FCHO2: variants seen among roughly 807,000 people sequenced by gnomAD.
The protein encoded by FCHO2 is FCH and mu domain containing endocytic adaptor 2, also known as F-BAR domain only protein 2.
A neutral mutation model predicts 114.1 loss-of-function variants in FCHO2; 43 were observed. That is an observed-to-expected ratio of 0.38 (90% CI 0.30 to 0.49). FCHO2 has a LOEUF of 0.49. Among genes scored for constraint, FCHO2 ranks in the 20% least tolerant of loss-of-function variants. FCHO2 has a pLI of 0.97. For synonymous variants in FCHO2, 293 were observed against 315.2 expected (o/e 0.93, Z 0.75); for missense variants, 807 against 950.4 (o/e 0.85, Z 1.98).
At chr5:73,053,257 AGGT>A (rs1757417062) in intron 13 of FCHO2, among the ~76,000 whole-genome samples, 1 of 152,188 alleles carries the variant, frequency 6.6e-6, no homozygotes, top group Non-Finnish European at 1.5e-5. Context: ...TTGGAAAAAA[AGGT>A]GGTTTTCTCC....
chr5:72,985,381 C>T (rs1200384551), intron 2 of FCHO2, among the ~76,000 whole-genome samples: 8 of 152,096 alleles, frequency 5.3e-5, no homozygotes, highest in African/African-American at 1.7e-4. Context: ...AGGCTGATCT[C>T]GGACTCCTGA....
intron 2 of FCHO2, among the ~76,000 whole-genome samples, chr5:72,984,625 T>G (rs1396881973): frequency 6.6e-6 from 1 of 152,200 alleles, no homozygotes; most frequent in Non-Finnish European, 1.5e-5. Context: ...TATGAATGTC[T>G]TAATTTTATC....
intron 24 of FCHO2, among the ~76,000 whole-genome samples, chr5:73,083,657 CGAGGTGGGTGGATCACTT>C (rs1234304869): frequency 6.6e-6 from 1 of 152,050 alleles, no homozygotes; most frequent in Non-Finnish European, 1.5e-5. Context: ...TTTGGTAGGC[CGAGGTGGGTGGATCACTT>C]GAAGTCAGGA....
rs749273409 is a variant in FCHO2, at chr5:73,051,330, T to A, written c.940-19T>A. 1 of 1,488,066 alleles carries A rather than the reference T, an allele frequency of 6.7e-7. No homozygotes were observed. The highest frequency in any genetic ancestry group is 1.3e-5 in the South Asian group (1 of 79,336). The allele number at this position is 1,488,066 out of a possible 1,614,324, so 92.2% of individuals were successfully genotyped here. A position where few individuals can be genotyped will look rare whatever the true frequency, so the allele number is the denominator to read the frequency against. On this transcript the variant is annotated intron_variant, in intron 11 of 25. Transcript: ENST00000430046. ...TACATTGGAGTTGTCATTATAATTT[T>A]TTTTTCTTTTTCCCTTAGAACATTC...
Position 72,985,521 on chromosome 5 carries a change from A to G in FCHO2, c.126-3906A>G, listed in dbSNP as rs552605109. Among the ~76,000 whole-genome samples the G allele has an allele frequency of 1.8e-4, 27 of 152,292 alleles. No homozygotes were observed. In the Middle Eastern group the frequency reaches 0.01, roughly 58 times the overall value. On this transcript the variant is annotated intron_variant, in intron 2 of 25. Transcript: ENST00000430046. ...GGTGGTGTGTACTTCCACCAGAGGCATATATTATCCAAATATAACTGTTTC... is the reference window on the plus strand; with the variant it reads ...GGTGGTGTGTACTTCCACCAGAGGCGTATATTATCCAAATATAACTGTTTC...
chr5:72,973,158 A>C, intron 2 of FCHO2, among the ~76,000 whole-genome samples: 1 of 152,110 alleles, frequency 6.6e-6, no homozygotes, highest in East Asian at 1.9e-4. Flanking sequence ...TTGGTCTAAA[A>C]TTCTCTTTTT....
chr5:73,081,971 C>A lies in FCHO2; in HGVS notation c.2169C>A (p.Pro723=). Residue 723 remains proline (P), a synonymous_variant, in exon 23 of 26, where the codon CCC becomes CCA. Transcript: ENST00000430046. ...GAGTAACGAACATGCAGTCCCTTCC[C>A]CCTGCAATATGGTAAATTAAACATA... is the stretch of plus-strand genomic sequence containing the variant. ...DGGVTNMQSL[P]PAIWNAEQMK... 9 of 1,523,556 alleles carry A rather than the reference C, an allele frequency of 5.9e-6. No homozygotes were observed. Among genetic ancestry groups the A allele is most frequent in the Non-Finnish European group, 7.1e-6 (8 of 1,129,870 alleles). 94.4% of individuals were successfully genotyped at this position (1,523,556 alleles called of 1,614,324 possible).
In FCHO2 at chr5:73,056,607, G is replaced by A. The variant is rs116426197; in HGVS notation, c.1253+500G>A. Among the ~76,000 whole-genome samples the A allele has an allele frequency of 3.6e-3, 543 of 151,876 alleles. 5 individuals are homozygous for A. Among genetic ancestry groups the A allele is most frequent in the African/African-American group, 0.013 (527 of 41,426 alleles). ...TTTTAGAAGTTTAAAATTATTTCTCGCTTGGTAATATGTCCTTTTACAATA... is the reference window on the plus strand; with the variant it reads ...TTTTAGAAGTTTAAAATTATTTCTCACTTGGTAATATGTCCTTTTACAATA... On this transcript the variant is annotated intron_variant, in intron 16 of 25. Transcript: ENST00000430046.
At chr5:73,017,849 A>G (rs1019127054) in intron 8 of FCHO2, among the ~76,000 whole-genome samples, 4 of 151,940 alleles carry the variant, frequency 2.6e-5, no homozygotes, top group Non-Finnish European at 5.9e-5. Flanking sequence ...ACCAGTGAAC[A>G]AATGGATATA....
At chr5:73,014,322 T>C (rs113220451) in intron 6 of FCHO2, among the ~76,000 whole-genome samples, 1,605 of 150,474 alleles carry the variant, frequency 0.011, 24 homozygotes, top group Middle Eastern at 0.038. Context: ...GGAGTCTCAC[T>C]CTGTCGCCCA....
intron 16 of FCHO2, among the ~76,000 whole-genome samples, chr5:73,057,576 A>G (rs1434621571): frequency 2.0e-5 from 3 of 152,122 alleles, no homozygotes; most frequent in Admixed American, 1.3e-4. Flanking sequence ...TAAAATATGT[A>G]AGCCACCTTT....
At chr5:73,069,792 A>G (rs1195275466) in intron 19 of FCHO2, among the ~76,000 whole-genome samples, 4 of 152,074 alleles carry the variant, frequency 2.6e-5, no homozygotes, top group Non-Finnish European at 5.9e-5. Context: ...GACTTTGCTC[A>G]AGAGTTTTTT....
chr5:72,984,764 C>T (rs1334450094), intron 2 of FCHO2, among the ~76,000 whole-genome samples: 1 of 152,108 alleles, frequency 6.6e-6, no homozygotes, highest in Non-Finnish European at 1.5e-5. Flanking sequence ...TCCCAAGTAG[C>T]TGGGGCTATA....
At chr5:73,072,858 T>A (rs1742727421) in intron 19 of FCHO2, among the ~76,000 whole-genome samples, 1 of 152,088 alleles carries the variant, frequency 6.6e-6, no homozygotes, top group Admixed American at 6.6e-5. Context: ...GTGAACTGTA[T>A]GCTTAAGAAT....
chr5:73,010,933 A>G (rs1392871541), intron 6 of FCHO2, among the ~76,000 whole-genome samples: 1 of 150,572 alleles, frequency 6.6e-6, no homozygotes, highest in East Asian at 2.0e-4. Context: ...ACATACCTAG[A>G]TGGTGTAGAC....
intron 1 of FCHO2, 142 bp downstream of exon 1, chr5:72,956,271 T>TC: frequency 8.6e-7 from 1 of 1,158,080 alleles, no homozygotes; most frequent in Non-Finnish European, 1.2e-6. Flanking sequence ...CTGGGTGAGG[T>TC]CCGGCGGGCG....
At chr5:73,009,395 A>G (rs2112722535) in intron 6 of FCHO2, among the ~76,000 whole-genome samples, 1 of 152,344 alleles carries the variant, frequency 6.6e-6, no homozygotes, top group Admixed American at 6.5e-5. Context: ...CTATAGTCAG[A>G]GTTTTTTGTT....
At chr5:72,964,922 G>T (rs533789215) in intron 1 of FCHO2, among the ~76,000 whole-genome samples, 1 of 151,762 alleles carries the variant, frequency 6.6e-6, no homozygotes, top group Non-Finnish European at 1.5e-5. Flanking sequence ...TTTGGTATGC[G>T]AATCATCCCT....
At chr5:73,072,830 T>C (rs537879516) in intron 19 of FCHO2, among the ~76,000 whole-genome samples, 102 of 152,192 alleles carry the variant, frequency 6.7e-4, no homozygotes, top group South Asian at 6.2e-3. Context: ...CACAGCGTTA[T>C]GAATATAATT....
Sources: gnomAD v4.1 joint callset for allele counts (sites outside exome capture counted in the v4.1 genomes callset) on GRCh38, gnomAD v4.1.1 for gene constraint, MANE v1.5 for transcripts, NCBI Gene and HGNC (gene_info 2026-07-23, HGNC 2026-07-21) for gene names.